The following KIF5C variants were observed in gnomAD, a reference collection of about 807,000 sequenced individuals.
KIF5C encodes the protein kinesin family member 5C, also known as kinesin heavy chain isoform 5C.
A neutral mutation model predicts 125.2 loss-of-function variants in KIF5C; 18 were observed. The ratio of observed to expected loss-of-function variants is 0.14; its 90% CI spans 0.10 to 0.21. The LOEUF (loss-of-function observed/expected upper bound fraction) is 0.21. KIF5C is among the 10% of genes least tolerant of loss of function. KIF5C has a pLI of 1.00. For missense variants in KIF5C, 780 were observed against 1,183.8 expected, an observed-to-expected ratio of 0.66 and a Z score of 5.01; for synonymous variants, 405 against 434.0, an observed-to-expected ratio of 0.93 and a Z score of 0.83.
chr2:148,901,048 T>C (rs902269631), intron 1 of KIF5C, among the ~76,000 whole-genome samples: 2 of 152,234 alleles, frequency 1.3e-5, no homozygotes, highest in Non-Finnish European at 2.9e-5. Flanking sequence ...TGAGATGCGG[T>C]TGACCAGAAA....
chr2:148,959,536 G>C (rs1682875700), intron 10 of KIF5C, among the ~76,000 whole-genome samples: 1 of 152,102 alleles, frequency 6.6e-6, no homozygotes, highest in Non-Finnish European at 1.5e-5. Flanking sequence ...TCTACCTTTA[G>C]TGGATGTGAA....
intron 1 of KIF5C, among the ~76,000 whole-genome samples, chr2:148,905,975 C>A (rs771196064): frequency 1.3e-5 from 2 of 152,078 alleles, no homozygotes; most frequent in Non-Finnish European, 2.9e-5. Flanking sequence ...CAGGAAAGAC[C>A]CACCCCATGA....
intron 10 of KIF5C, among the ~76,000 whole-genome samples, chr2:148,952,638 G>A (rs953920580): frequency 6.6e-6 from 1 of 152,130 alleles, no homozygotes; most frequent in Admixed American, 6.6e-5. Context: ...CAGTGTTGAA[G>A]CTAATTCTGC....
At chr2:149,014,779 T>C (rs1682312810) in intron 25 of KIF5C, among the ~76,000 whole-genome samples, 2 of 152,242 alleles carry the variant, frequency 1.3e-5, no homozygotes, top group Non-Finnish European at 2.9e-5. Context: ...TTCATATAGT[T>C]GTTACTAAAT....
chr2:148,945,336 T>C (rs2105107211), intron 7 of KIF5C, among the ~76,000 whole-genome samples: 1 of 152,270 alleles, frequency 6.6e-6, no homozygotes, highest in South Asian at 2.1e-4. Context: ...GGCCCAACAT[T>C]AATATATTTT....
chr2:148,978,772 A>G, intron 12 of KIF5C, 150 bp from the exon 13 acceptor site: 1 of 1,111,840 alleles, frequency 9.0e-7, no homozygotes, highest in Non-Finnish European at 1.2e-6. Context: ...ACTGAATGAG[A>G]TCTCGGAATC....
chr2:148,932,979 C>A (rs965631523), intron 3 of KIF5C, among the ~76,000 whole-genome samples: 2 of 152,062 alleles, frequency 1.3e-5, no homozygotes, highest in Non-Finnish European at 2.9e-5. Flanking sequence ...GAAAAGTTTG[C>A]GGATAGAATT....
rs974096017 is a variant in KIF5C at position 148,956,719 on chromosome 2, C to A, written c.969-5252C>A. 2.6e-5 allele frequency among the ~76,000 whole-genome samples: 4 copies of A among 152,188 alleles called. No individual in the cohort carries two copies. In the East Asian group the frequency reaches 7.7e-4, roughly 29 times the overall value. Reference sequence around the variant, plus strand: ...ATAAACTTAGGACTGAATTAAAGTTCTTTCCCAGAGTAGCCTTTGGTTAGG... The same window carrying A: ...ATAAACTTAGGACTGAATTAAAGTTATTTCCCAGAGTAGCCTTTGGTTAGG... On this transcript the variant is annotated intron_variant, in intron 10 of 25. Transcript: ENST00000435030.
intron 4 of KIF5C, among the ~76,000 whole-genome samples, chr2:148,941,306 C>T (rs1437859746): frequency 6.6e-6 from 1 of 152,164 alleles, no homozygotes; most frequent in Non-Finnish European, 1.5e-5. Flanking sequence ...GCTTGGTGCT[C>T]ATCTAACTTA....
chr2:148,945,498 G>T (rs1182477113), intron 7 of KIF5C, among the ~76,000 whole-genome samples: 3 of 152,228 alleles, frequency 2.0e-5, no homozygotes, highest in Non-Finnish European at 2.9e-5. Flanking sequence ...TGATTTATAT[G>T]TCTGTCTTTA....
At chr2:148,996,005 A>T (rs1286101891) in intron 17 of KIF5C, among the ~76,000 whole-genome samples, 1 of 152,072 alleles carries the variant, frequency 6.6e-6, no homozygotes, top group Admixed American at 6.5e-5. Flanking sequence ...AAATACAAAA[A>T]TTAGCAGGGT....
At chr2:148,971,290 G>GTCTA (rs753154563) in intron 11 of KIF5C, among the ~76,000 whole-genome samples, 8,821 of 137,156 alleles carry the variant, frequency 0.064, 300 homozygotes, top group East Asian at 0.11. Context: ...CTGTCTGTCT[G>GTCTA]TCTATCTATC....
At chr2:148,952,410 G>A (rs1196542640) in intron 10 of KIF5C, among the ~76,000 whole-genome samples, 1 of 152,198 alleles carries the variant, frequency 6.6e-6, no homozygotes, top group Non-Finnish European at 1.5e-5. Context: ...TCTACAGGAA[G>A]CATTTTGAAT....
rs1476084619 is a variant in KIF5C at position 148,978,934 on chromosome 2, A to G, written c.1306A>G (p.Asn436Asp). 6.3e-7 allele frequency: 1 copy of G among 1,599,938 alleles called. No individual in the cohort carries two copies. The highest frequency in any genetic ancestry group is 8.5e-7 in the Non-Finnish European group (1 of 1,173,420). The change falls in exon 13 of 26, where the codon AAC (asparagine) becomes GAC (aspartate). Residue 436 changes from asparagine to aspartate, a missense_variant. Transcript: ENST00000435030. ...RQLDDKDDEI[N>D]QQSQLAEKLK... ...TGTTTCGTTTCAGGATGATGAAATT[A>G]ACCAGCAGAGCCAGCTGGCTGAAAA...
At chr2:149,006,527 G>A (rs1682014576) in intron 22 of KIF5C, among the ~76,000 whole-genome samples, 1 of 152,196 alleles carries the variant, frequency 6.6e-6, no homozygotes, top group Non-Finnish European at 1.5e-5. Flanking sequence ...ACTAGACATG[G>A]TTCAGGCTGC....
chr2:148,893,159 C>T (rs1681754184), intron 1 of KIF5C, among the ~76,000 whole-genome samples: 1 of 152,150 alleles, frequency 6.6e-6, no homozygotes, highest in Non-Finnish European at 1.5e-5. Flanking sequence ...ACAAATGGAT[C>T]CTGAAGACCT....
chr2:148,950,595 G>A (rs1682634360), intron 10 of KIF5C, 133 bp downstream of exon 10: 2 of 1,308,466 alleles, frequency 1.5e-6, no homozygotes, highest in Non-Finnish European at 2.0e-6. Flanking sequence ...GATTGCCTGA[G>A]GTCAGGAGTT....
chr2:149,000,812 T>C (rs1176918100), intron 21 of KIF5C, 30 bp downstream of exon 21: 17 of 1,611,372 alleles, frequency 1.1e-5, no homozygotes, highest in Non-Finnish European at 1.4e-5. Flanking sequence ...GATTTATGTT[T>C]GTCTCCAAGA....
chr2:148,941,785 G>A, intron 5 of KIF5C, 127 bp downstream of exon 5: 3 of 1,453,196 alleles, frequency 2.1e-6, no homozygotes, highest in South Asian at 2.7e-5. Flanking sequence ...TGCCTTCAGG[G>A]TATATGTTTA....
Sources: gnomAD v4.1 joint callset for allele counts (sites outside exome capture counted in the v4.1 genomes callset) on GRCh38, gnomAD v4.1.1 for gene constraint, MANE v1.5 for transcripts, NCBI Gene and HGNC (gene_info 2026-07-23, HGNC 2026-07-21) for gene names.